Variants in C2CD3 observed in about 807,000 individuals in gnomAD.
C2CD3 encodes the protein C2 domain-containing protein 3.
Under a neutral mutation model 234.0 loss-of-function variants are expected in C2CD3, and 148 were observed. The ratio of observed to expected loss-of-function variants is 0.63; its 90% CI spans 0.55 to 0.72. C2CD3 has a LOEUF of 0.72. Among genes scored for constraint, C2CD3 ranks in the 30% least tolerant of loss-of-function variants. C2CD3 has a pLI of 0.00. For synonymous variants in C2CD3, 1,000 were observed against 1,035.4 expected, an observed-to-expected ratio of 0.97 and a Z score of 0.66; for missense variants, 2,577 against 2,811.5, an observed-to-expected ratio of 0.92 and a Z score of 1.89.
At chr11:74,054,085 A>C (rs2135435252) in intron 26 of C2CD3, among the ~76,000 whole-genome samples, 1 of 152,204 alleles carries the variant, frequency 6.6e-6, no homozygotes, top group South Asian at 2.1e-4. Context: ...ACCCTGGCTA[A>C]CACGCTGAAA....
At chr11:74,152,351 G>A (rs1186018149) in intron 3 of C2CD3, among the ~76,000 whole-genome samples, 1 of 152,118 alleles carries the variant, frequency 6.6e-6, no homozygotes, top group Non-Finnish European at 1.5e-5. Context: ...CACTCAAAAA[G>A]AAAGATTACC....
chr11:74,102,532 T>G (rs1590807843), intron 14 of C2CD3, among the ~76,000 whole-genome samples: 1 of 152,290 alleles, frequency 6.6e-6, no homozygotes, highest in African/African-American at 2.4e-5. Context: ...GTGGGTTGAT[T>G]TGGAAGAGTG....
rs181301521 is a variant in C2CD3, at chr11:74,029,824, T to C, written c.6810-1426A>G. ...AGGCTGGAGTGCAGTGGCGTGATCA[T>C]GGCACACTGCAGCCTTGACCTTCTG... is the stretch of plus-strand genomic sequence containing the variant. On this transcript the variant is annotated intron_variant, in intron 31 of 32. Coordinates refer to ENST00000334126, the MANE Select transcript of C2CD3 (RefSeq NM_001286577.2). 2.2e-4 allele frequency among the ~76,000 whole-genome samples: 34 copies of C among 152,356 alleles called. No individual in the cohort carries two copies. The East Asian group carries it at 6.2e-3, about 28-fold the overall frequency.
At chr11:74,143,645 T>C (rs1005019642) in intron 3 of C2CD3, among the ~76,000 whole-genome samples, 46 of 151,172 alleles carry the variant, frequency 3.0e-4, no homozygotes, top group African/African-American at 1.1e-3. Context: ...CTCAGCTTCC[T>C]GAGTAGCTGA....
At chr11:74,040,794 G>A (rs575182361) in intron 29 of C2CD3, among the ~76,000 whole-genome samples, 18 of 151,840 alleles carry the variant, frequency 1.2e-4, no homozygotes, top group East Asian at 3.9e-4. Flanking sequence ...CAAAAAAGCC[G>A]GAAGCCGCAG....
intron 3 of C2CD3, among the ~76,000 whole-genome samples, chr11:74,150,706 C>T (rs1416129199): frequency 1.3e-5 from 2 of 151,586 alleles, no homozygotes; most frequent in Non-Finnish European, 2.9e-5. Flanking sequence ...AGATATCATG[C>T]CATTTCTGTA....
intron 12 of C2CD3, among the ~76,000 whole-genome samples, chr11:74,107,074 C>A (rs111608854): frequency 6.6e-6 from 1 of 152,184 alleles, no homozygotes; most frequent in Non-Finnish European, 1.5e-5. Flanking sequence ...GTAATCCCAG[C>A]ACTTTGGGAG....
chr11:74,164,601 G>A (rs1242202562), intron 2 of C2CD3, among the ~76,000 whole-genome samples: 1 of 152,116 alleles, frequency 6.6e-6, no homozygotes, highest in Non-Finnish European at 1.5e-5. Context: ...CTCAGAGCAT[G>A]CTTTCTAGTG....
At chr11:74,061,154 T>C (rs1193615320) in intron 24 of C2CD3, among the ~76,000 whole-genome samples, 2 of 152,242 alleles carry the variant, frequency 1.3e-5, no homozygotes, top group African/African-American at 2.4e-5. Flanking sequence ...ATCTGACTGC[T>C]GTACCTGAAA....
intron 23 of C2CD3, among the ~76,000 whole-genome samples, chr11:74,076,223 T>A (rs1015779247): frequency 2.6e-4 from 39 of 152,114 alleles, no homozygotes; most frequent in Non-Finnish European, 8.8e-5. Context: ...AGAGCCAGAT[T>A]TACACCTGTT....
chr11:74,091,773 G>A (rs561683554), intron 19 of C2CD3, among the ~76,000 whole-genome samples: 2 of 152,222 alleles, frequency 1.3e-5, no homozygotes, highest in Admixed American at 6.5e-5. Flanking sequence ...AGAATTTATG[G>A]CATGAGGGCT....
chr11:74,131,316 C>T (rs1404058539), intron 7 of C2CD3, among the ~76,000 whole-genome samples: 2 of 145,288 alleles, frequency 1.4e-5, no homozygotes, highest in Non-Finnish European at 3.0e-5. Flanking sequence ...CAGTGAGACT[C>T]GGTCTCAAAA....
In C2CD3 at chr11:74,155,612, A is replaced by G. The variant is rs555440690; in HGVS notation, c.483+5787T>C. On this transcript the variant is annotated intron_variant, in intron 3 of 32. Coordinates refer to ENST00000334126, the MANE Select transcript of C2CD3 (RefSeq NM_001286577.2). ...TATAACATGGATGAAACTTAGAAAC[A>G]TTATGTTAAATGAAAAAAGCCAATC... Among the ~76,000 whole-genome samples the G allele has an allele frequency of 2.6e-5, 4 of 152,274 alleles. No homozygotes were observed. In the East Asian group the frequency reaches 5.8e-4, roughly 22 times the overall value.
chr11:74,074,344 T>C lies in C2CD3; in HGVS notation c.4860A>G (p.Glu1620=), dbSNP rs1198702891. 3.1e-6 allele frequency: 5 copies of C among 1,614,098 alleles called. No homozygotes were observed. Among genetic ancestry groups the C allele is most frequent in the Non-Finnish European group, 4.2e-6 (5 of 1,180,040 alleles). The change falls in exon 24 of 33, where the codon GAA becomes GAG. Residue 1620 remains glutamate, a synonymous_variant. Transcript: ENST00000334126. ...CAGGGCCCTCCTGCGTCAGGCGGAC[T>C]TCAGCTGTGGTGCTGCTGCAGGGGA... ...TQVPCSSTTA[E]VRLTQEGPAD... is the part of the protein sequence containing the mutation.
At chr11:74,045,146 T>C (rs1953299708) in intron 28 of C2CD3, among the ~76,000 whole-genome samples, 1 of 152,182 alleles carries the variant, frequency 6.6e-6, no homozygotes. Flanking sequence ...TGTGGATACC[T>C]AGTTGTTCCA....
At chr11:74,022,776 G>A (rs75686276) in intron 32 of C2CD3, among the ~76,000 whole-genome samples, 2 of 152,244 alleles carry the variant, frequency 1.3e-5, no homozygotes, top group African/African-American at 4.8e-5. Flanking sequence ...GAAAGCAGGG[G>A]CAGCGGAACT....
intron 12 of C2CD3, among the ~76,000 whole-genome samples, chr11:74,107,661 TA>T (rs1474018365): frequency 6.6e-6 from 1 of 152,112 alleles, no homozygotes; most frequent in African/African-American, 2.4e-5. Context: ...CTCAAGATGC[TA>T]AATGATAAAA....
chr11:74,168,051 A>G (rs1288800144), intron 2 of C2CD3: 1 of 266,844 alleles, frequency 3.7e-6, no homozygotes, highest in Non-Finnish European at 7.1e-6. Context: ...CAACTTTGTG[A>G]CCTTAGAAAG....
At chr11:74,141,172 T>A (rs1221795039) in intron 3 of C2CD3, among the ~76,000 whole-genome samples, 1 of 152,162 alleles carries the variant, frequency 6.6e-6, no homozygotes, top group Non-Finnish European at 1.5e-5. Context: ...TCTGGGAAGG[T>A]CAATGAAATA....
Sources: allele counts gnomAD v4.1 joint callset (sites outside exome capture counted in the v4.1 genomes callset), GRCh38; gene constraint gnomAD v4.1.1; transcripts MANE v1.5; gene names NCBI Gene and HGNC (gene_info 2026-07-23, HGNC 2026-07-21).